ZNF292: variants seen among roughly 807,000 people sequenced by gnomAD.
ZNF292 encodes 16 zinc-finger domain protein.
A neutral mutation model predicts 217.9 loss-of-function variants in ZNF292; 26 were observed. The observed-to-expected ratio is 0.12, with a 90% confidence interval of 0.09 to 0.17. The LOEUF (loss-of-function observed/expected upper bound fraction) is 0.17. ZNF292 is among the 10% of genes least tolerant of loss of function. The pLI is 1.00. For synonymous variants in ZNF292, 1,257 were observed against 1,124.1 expected (o/e 1.12, Z -2.37); for missense variants, 2,904 against 3,175.2 (o/e 0.91, Z 2.05).
chr6:87,263,402 C>T lies in ZNF292; in HGVS notation c.*1601C>T, dbSNP rs1448461781. 1.1e-4 allele frequency: 17 copies of T among 152,012 alleles called. No homozygotes were observed. Among genetic ancestry groups the T allele is most frequent in the African/African-American group, 4.1e-4 (17 of 41,422 alleles). 9.4% of individuals were successfully genotyped at this position (152,012 alleles called of 1,614,324 possible). A position where few individuals can be genotyped will look rare whatever the true frequency, so the allele number is the denominator to read the frequency against. ...GATGGTATGAAAATGTGTACATTCC[C>T]TGTGCAACATCAGATTTGCAGGAAA... On this transcript the variant is annotated 3_prime_UTR_variant, in exon 8 of 8. Transcript: ENST00000369577.
chr6:87,256,968 G>C lies in ZNF292; in HGVS notation c.3339G>C (p.Gln1113His). The C allele has an allele frequency of 1.2e-6, 2 of 1,613,720 alleles. No individual in the cohort carries two copies. The highest frequency in any genetic ancestry group is 2.2e-5 in the East Asian group (1 of 44,878). ...EGCTRTYNSSQSIGKHMKTAH... is the reference protein window; with the variant it reads ...EGCTRTYNSSHSIGKHMKTAH... Reference sequence around the variant, plus strand: ...GTACTCGAACCTATAATTCTTCACAGAGTATTGGGAAACACATGAAGACAG... The same window carrying C: ...GTACTCGAACCTATAATTCTTCACACAGTATTGGGAAACACATGAAGACAG... Residue 1113 changes from glutamine to histidine, a missense_variant, in exon 8 of 8, where the codon CAG (glutamine) becomes CAC (histidine). This residue lies in a region of ZNF292 where 687 missense variants were observed against 623.0 expected (regional missense o/e 1.10). Coordinates refer to ENST00000369577, the MANE Select transcript of ZNF292 (RefSeq NM_015021.3).
At position 87,245,113 on chromosome 6, in the gene ZNF292, C is replaced by T. The variant is rs529049210; in HGVS notation, c.879-390C>T. ...AAAATTAACCAGGCATGGCAGTGCGCGCCTGTAATCCCAGCTACTCAGGAG... is the reference window on the plus strand; with the variant it reads ...AAAATTAACCAGGCATGGCAGTGCGTGCCTGTAATCCCAGCTACTCAGGAG... On this transcript the variant is annotated intron_variant, in intron 6 of 7. Coordinates refer to ENST00000369577, the MANE Select transcript of ZNF292 (RefSeq NM_015021.3). Among the ~76,000 whole-genome samples the T allele has an allele frequency of 5.9e-5, 9 of 151,954 alleles. No individual in the cohort carries two copies. In the South Asian group the frequency reaches 1.0e-3, roughly 18 times the overall value.
rs116873097 is a variant in ZNF292, at chr6:87,216,961, G to A, written c.402+584G>A. On this transcript the variant is annotated intron_variant, in intron 3 of 7. Coordinates refer to ENST00000369577, the MANE Select transcript of ZNF292 (RefSeq NM_015021.3). ...CTTATATGAGGTACTACACAATTTA[G>A]CAGTTAGTAGTCTTGAAGTTTTTTC... Among the ~76,000 whole-genome samples, 406 of 152,046 alleles carry A rather than the reference G, an allele frequency of 2.7e-3. 2 individuals are homozygous for A. The highest frequency in any genetic ancestry group is 3.4e-3 in the Non-Finnish European group (233 of 67,870).
Position 87,261,533 on chromosome 6 carries a change from C to T in ZNF292, c.7904C>T (p.Ala2635Val), listed in dbSNP as rs1173579149. The T allele has an allele frequency of 6.2e-7, 1 of 1,608,770 alleles. No individual in the cohort carries two copies. Among genetic ancestry groups the T allele is most frequent in the Non-Finnish European group, 8.5e-7 (1 of 1,177,338 alleles). The change falls in exon 8 of 8, where the codon GCT becomes GTT. Residue 2635 changes from alanine (A) to valine (V), a missense_variant. By Grantham distance (64) the Ala-to-Val change is moderately conservative (BLOSUM62 0). This residue lies in a region of ZNF292 where 380 missense variants were observed against 355.3 expected (regional missense o/e 1.07). Coordinates refer to ENST00000369577, the MANE Select transcript of ZNF292 (RefSeq NM_015021.3). ...SNSRKNIDKT[A>V]VTSGNHVCPC... ...TCAAGAAAAAATATTGATAAGACTG[C>T]TGTGACTAGTGGAAATCATGTATGT...
At position 87,260,886 on chromosome 6, in the gene ZNF292, A is replaced by G; in HGVS notation, c.7257A>G (p.Gln2419=). The stretch of plus-strand genomic sequence containing the variant: ...AATTATCTAAGGCATTTACATCACA[A>G]CACCGAAATCTTCTTATTGTATTCA... ...CHKLSKAFTS[Q]HRNLLIVFKR... Residue 2419 remains glutamine (Q), a synonymous_variant, in exon 8 of 8, where the codon CAA becomes CAG. Coordinates refer to ENST00000369577, the MANE Select transcript of ZNF292 (RefSeq NM_015021.3). 1 of 1,610,504 alleles carries G rather than the reference A, an allele frequency of 6.2e-7. No homozygotes were observed. Among genetic ancestry groups the G allele is most frequent in the South Asian group, 1.1e-5 (1 of 90,536 alleles).
chr6:87,171,976 A>G (rs1771114139), intron 1 of ZNF292, among the ~76,000 whole-genome samples: 1 of 152,230 alleles, frequency 6.6e-6, no homozygotes, highest in African/African-American at 2.4e-5. Flanking sequence ...AATGGCAACA[A>G]AAATGCCTGA....
chr6:87,156,409 G>T (rs1046699153), intron 1 of ZNF292, among the ~76,000 whole-genome samples: 1 of 152,226 alleles, frequency 6.6e-6, no homozygotes, highest in Non-Finnish European at 1.5e-5. Flanking sequence ...ATACTTGCTT[G>T]CTTGGTGCAT....
chr6:87,181,967 C>T (rs1429868933), intron 1 of ZNF292, among the ~76,000 whole-genome samples: 17 of 152,098 alleles, frequency 1.1e-4, no homozygotes, highest in South Asian at 2.1e-4. Context: ...TACAGGCGCC[C>T]GGCGGTTCTC....
chr6:87,208,230 T>C (rs1306385638), intron 1 of ZNF292, among the ~76,000 whole-genome samples: 2 of 152,148 alleles, frequency 1.3e-5, no homozygotes, highest in African/African-American at 2.4e-5. Flanking sequence ...GAAAGTACTT[T>C]GGTACAGTTC....
intron 5 of ZNF292, among the ~76,000 whole-genome samples, chr6:87,239,414 C>G (rs1774097388): frequency 6.6e-6 from 1 of 151,792 alleles, no homozygotes; most frequent in Non-Finnish European, 1.5e-5. Flanking sequence ...ACCTCCCTCC[C>G]AGACGGGGTG....
rs765240964 is a variant in ZNF292, at chr6:87,260,829, A to G, written c.7200A>G (p.Glu2400=). ...IKGCTSVVTS[E]SNIIRHYKCH... is the part of the protein sequence containing the mutation. ...GATGTACTTCAGTTGTTACAAGTGA[A>G]AGCAATATAATTAGACATTATAAGT... The change falls in exon 8 of 8, where the codon GAA becomes GAG. Residue 2400 remains glutamate (E), a synonymous_variant. Coordinates refer to ENST00000369577, the MANE Select transcript of ZNF292 (RefSeq NM_015021.3). 6.2e-7 allele frequency: 1 copy of G among 1,612,278 alleles called. No homozygotes were observed. The highest frequency in any genetic ancestry group is 1.1e-5 in the South Asian group (1 of 90,884).
intron 7 of ZNF292, among the ~76,000 whole-genome samples, chr6:87,251,836 CA>C (rs1414434804): frequency 6.6e-6 from 1 of 152,096 alleles, no homozygotes; most frequent in East Asian, 1.9e-4. Flanking sequence ...GTAAAGGTTT[CA>C]GGTTTAATTA....
At chr6:87,174,017 G>T in intron 1 of ZNF292, 1 of 262,114 alleles carries the variant, frequency 3.8e-6, no homozygotes, top group South Asian at 4.8e-5. Flanking sequence ...ATGTGTCCTT[G>T]ATCATCATAA....
intron 3 of ZNF292, among the ~76,000 whole-genome samples, chr6:87,217,733 T>A (rs73754116): frequency 0.011 from 1,688 of 152,232 alleles, 36 homozygotes; most frequent in African/African-American, 0.037. Context: ...GTAAAGCACC[T>A]GAACTTTGTT....
chr6:87,192,906 G>A (rs1471855972), intron 1 of ZNF292, among the ~76,000 whole-genome samples: 1 of 152,172 alleles, frequency 6.6e-6, no homozygotes, highest in Non-Finnish European at 1.5e-5. Context: ...GATTTCCAGG[G>A]ATCTTAATGG....
At chr6:87,203,853 T>G (rs917970650) in intron 1 of ZNF292, among the ~76,000 whole-genome samples, 37 of 151,854 alleles carry the variant, frequency 2.4e-4, no homozygotes, top group African/African-American at 9.0e-4. Flanking sequence ...CCTGGCATAG[T>G]ATGTGAGAGC....
In ZNF292 at chr6:87,259,952, A is replaced by G; in HGVS notation, c.6323A>G (p.Tyr2108Cys). The G allele has an allele frequency of 6.2e-7, 1 of 1,613,632 alleles. No homozygotes were observed. The highest frequency in any genetic ancestry group is 8.5e-7 in the Non-Finnish European group (1 of 1,179,706). The change falls in exon 8 of 8, where the codon TAC (tyrosine) becomes TGC (cysteine). Residue 2108 changes from tyrosine to cysteine, a missense_variant. This residue lies in a region of ZNF292 where 261 missense variants were observed against 272.8 expected (regional missense o/e 0.96). Coordinates refer to ENST00000369577, the MANE Select transcript of ZNF292 (RefSeq NM_015021.3). ...VSQSLEFPTR[Y>C]SPYRPYRCVH... ...CAATCCCTTGAGTTTCCAACAAGAT[A>G]CAGTCCTTACAGACCTTATCGATGT...
chr6:87,239,573 ACGCTCCT>A (rs1774128297), intron 5 of ZNF292, among the ~76,000 whole-genome samples: 1 of 118,654 alleles, frequency 8.4e-6, no homozygotes, highest in African/African-American at 3.3e-5. Flanking sequence ...CCGGGCGGAG[ACGCTCCT>A]CACTTCCCAG....
chr6:87,186,115 A>G (rs909505157), intron 1 of ZNF292, among the ~76,000 whole-genome samples: 3 of 152,220 alleles, frequency 2.0e-5, no homozygotes, highest in East Asian at 1.9e-4. Flanking sequence ...CCTTGTAGTC[A>G]TGCTTTGGCC....
Sources: allele counts gnomAD v4.1 joint callset (sites outside exome capture counted in the v4.1 genomes callset), GRCh38; gene constraint gnomAD v4.1.1; regional missense constraint gnomAD v4.1.1; transcripts MANE v1.5; gene names NCBI Gene and HGNC (gene_info 2026-07-23, HGNC 2026-07-21).